The following TSHZ2 variants were observed in gnomAD, a reference collection of about 807,000 sequenced individuals.
The protein encoded by TSHZ2 is teashirt zinc finger homeobox 2.
In TSHZ2, 21 loss-of-function variants were observed where a neutral mutation model predicts 74.4. That is an observed-to-expected ratio of 0.28 (90% CI 0.20 to 0.41). The LOEUF (loss-of-function observed/expected upper bound fraction) is 0.41. Ranked by LOEUF, TSHZ2 falls within the 10% of genes least tolerant of loss-of-function variation. The pLI, the probability that TSHZ2 is intolerant of heterozygous loss-of-function variation, is 1.00. For synonymous variants in TSHZ2, 540 were observed against 515.3 expected (o/e 1.05, Z -0.65); for missense variants, 1,244 against 1,293.5 (o/e 0.96, Z 0.59).
intron 1 of TSHZ2, among the ~76,000 whole-genome samples, chr20:53,186,888 G>T (rs1047100961): frequency 6.6e-6 from 1 of 151,534 alleles, no homozygotes; most frequent in African/African-American, 2.4e-5. Flanking sequence ...TGTGCGCAGG[G>T]ACACTAGGGT....
At chr20:53,307,262 C>T (rs1340783815) in intron 2 of TSHZ2, among the ~76,000 whole-genome samples, 1 of 152,100 alleles carries the variant, frequency 6.6e-6, no homozygotes, top group Non-Finnish European at 1.5e-5. Flanking sequence ...CTTCCCTTCC[C>T]TGCCACTTCC....
intron 1 of TSHZ2, among the ~76,000 whole-genome samples, chr20:53,122,300 A>AG (rs1555827276): frequency 1.4e-5 from 2 of 145,956 alleles, no homozygotes; most frequent in African/African-American, 4.9e-5. Context: ...AAAAAAAAAA[A>AG]AAAGAAAGAA....
chr20:53,047,436 C>T (rs1212895160), intron 1 of TSHZ2, among the ~76,000 whole-genome samples: 5 of 152,066 alleles, frequency 3.3e-5, no homozygotes, highest in African/African-American at 4.8e-5. Flanking sequence ...ATGCACATTC[C>T]AGCCAGCAAG....
At chr20:53,239,578 G>A (rs1172788005) in intron 1 of TSHZ2, among the ~76,000 whole-genome samples, 1 of 152,124 alleles carries the variant, frequency 6.6e-6, no homozygotes, top group African/African-American at 2.4e-5. Context: ...AGACCTTGGG[G>A]AGGAGATGCC....
At chr20:53,042,491 G>C (rs1038151891) in intron 1 of TSHZ2, among the ~76,000 whole-genome samples, 4 of 152,014 alleles carry the variant, frequency 2.6e-5, no homozygotes, top group Admixed American at 1.3e-4. Flanking sequence ...ACAATGCTTT[G>C]AAAGAGGCAG....
intron 1 of TSHZ2, among the ~76,000 whole-genome samples, chr20:53,146,081 G>T (rs1265979323): frequency 6.6e-6 from 1 of 152,106 alleles, no homozygotes; most frequent in Admixed American, 6.5e-5. Flanking sequence ...GAAATAGCCT[G>T]TGCTGAGGGG....
intron 1 of TSHZ2, among the ~76,000 whole-genome samples, chr20:53,033,225 T>A (rs1983701047): frequency 6.6e-6 from 1 of 152,212 alleles, no homozygotes; most frequent in South Asian, 2.1e-4. Flanking sequence ...TCGAGAATAG[T>A]CCTTTTCTAC....
intron 2 of TSHZ2, among the ~76,000 whole-genome samples, chr20:53,432,224 A>G (rs1171399013): frequency 1.3e-5 from 2 of 152,166 alleles, no homozygotes; most frequent in Non-Finnish European, 2.9e-5. Flanking sequence ...AACATATGGC[A>G]TTTGGTTTTT....
chr20:53,375,688 C>T (rs764897980), intron 2 of TSHZ2, among the ~76,000 whole-genome samples: 1 of 152,184 alleles, frequency 6.6e-6, no homozygotes, highest in Non-Finnish European at 1.5e-5. Flanking sequence ...AGCATCAAGA[C>T]CATCAGATGG....
intron 1 of TSHZ2, among the ~76,000 whole-genome samples, chr20:53,223,355 A>G (rs1460936615): frequency 6.6e-6 from 1 of 152,192 alleles, no homozygotes; most frequent in Non-Finnish European, 1.5e-5. Context: ...TTAAAAAGCC[A>G]GACTCAAAAG....
rs572563198 is a variant in TSHZ2, at chr20:53,359,707, G to A, written c.*8+103136G>A. ...TGTGGTTGGTATGTTCGAGGACAGA[G>A]AGAAGGCCACTGTGGCTGGAACAGA... On this transcript the variant is annotated intron_variant, in intron 2 of 2. Transcript: ENST00000371497. 1.7e-4 allele frequency among the ~76,000 whole-genome samples: 26 copies of A among 152,330 alleles called. No individual in the cohort carries two copies. The South Asian group carries it at 2.9e-3, about 17-fold the overall frequency.
chr20:53,486,775 G>A (rs184023952), intron 2 of TSHZ2, among the ~76,000 whole-genome samples: 1 of 152,186 alleles, frequency 6.6e-6, no homozygotes, highest in East Asian at 1.9e-4. Context: ...TGAGCTGTGG[G>A]GTATGGATCT....
At chr20:53,350,657 T>G (rs546491845) in intron 2 of TSHZ2, among the ~76,000 whole-genome samples, 178 of 152,376 alleles carry the variant, frequency 1.2e-3, no homozygotes, top group African/African-American at 4.2e-3. Context: ...TGTTCTCGTA[T>G]GTTTTTGCAG....
intron 2 of TSHZ2, among the ~76,000 whole-genome samples, chr20:53,394,542 C>T (rs933986638): frequency 6.6e-6 from 1 of 152,084 alleles, no homozygotes; most frequent in Non-Finnish European, 1.5e-5. Flanking sequence ...TGATAATGAA[C>T]TAGACCCATC....
intron 1 of TSHZ2, among the ~76,000 whole-genome samples, chr20:53,068,361 T>G (rs1985062442): frequency 6.6e-6 from 1 of 152,112 alleles, no homozygotes; most frequent in South Asian, 2.1e-4. Context: ...CTCATAATAC[T>G]TTCATACTCC....
At chr20:53,297,454 T>G (rs1055538042) in intron 2 of TSHZ2, among the ~76,000 whole-genome samples, 2 of 152,050 alleles carry the variant, frequency 1.3e-5, no homozygotes, top group Admixed American at 6.6e-5. Flanking sequence ...AAGGTAGTCT[T>G]GAACACTTGG....
In TSHZ2 at chr20:53,049,374, C is replaced by T. The variant is rs570963909; in HGVS notation, c.40+76041C>T. On this transcript the variant is annotated intron_variant, in intron 1 of 2. Coordinates refer to ENST00000371497, the MANE Select transcript of TSHZ2 (RefSeq NM_173485.6). ...CCAGTACGAATTCCTGCCCCCACCCCTCCCGTCTTCATGGTTAACATATAT... is the reference window on the plus strand; with the variant it reads ...CCAGTACGAATTCCTGCCCCCACCCTTCCCGTCTTCATGGTTAACATATAT... Among the ~76,000 whole-genome samples the T allele has an allele frequency of 1.1e-4, 16 of 152,250 alleles. No homozygotes were observed. In the South Asian group the frequency reaches 3.3e-3, roughly 32 times the overall value.
intron 1 of TSHZ2, chr20:53,185,365 G>A: frequency 8.5e-7 from 1 of 1,179,330 alleles, no homozygotes; most frequent in Non-Finnish European, 1.1e-6. Context: ...TCCAAAATTG[G>A]TGATAGCCTC....
intron 1 of TSHZ2, among the ~76,000 whole-genome samples, chr20:53,149,067 T>TTA (rs1987613211): frequency 6.6e-6 from 1 of 152,256 alleles, no homozygotes; most frequent in African/African-American, 2.4e-5. Flanking sequence ...TGTTTTGATC[T>TTA]TATACATTCT....
Sources: allele counts gnomAD v4.1 joint callset (sites outside exome capture counted in the v4.1 genomes callset), GRCh38; gene constraint gnomAD v4.1.1; transcripts MANE v1.5; gene names NCBI Gene and HGNC (gene_info 2026-07-23, HGNC 2026-07-21).